ZRANB3: variants seen among roughly 807,000 people sequenced by gnomAD.
ZRANB3 encodes the protein zinc finger RANBP2-type containing 3.
In ZRANB3, 125 loss-of-function variants were observed where a neutral mutation model predicts 133.8. That is an observed-to-expected ratio of 0.93 (90% CI 0.81 to 1.08). The LOEUF (loss-of-function observed/expected upper bound fraction) is 1.08, where lower values mean the gene tolerates loss of function less well. Among genes scored for constraint, ZRANB3 ranks in the 50% least tolerant of loss-of-function variants. ZRANB3 has a pLI of 0.00. For missense variants in ZRANB3, 1,229 were observed against 1,275.5 expected (o/e 0.96, Z 0.56); for synonymous variants, 387 against 432.7 (o/e 0.89, Z 1.31).
intron 2 of ZRANB3, among the ~76,000 whole-genome samples, chr2:135,481,481 ATTTG>A (rs1691805497): frequency 6.6e-6 from 1 of 151,990 alleles, no homozygotes; most frequent in South Asian, 2.1e-4. Context: ...TTTCTTGTAA[ATTTG>A]TTTGAGTTCA....
chr2:135,406,590 G>A (rs1232958161), intron 2 of ZRANB3, among the ~76,000 whole-genome samples: 10 of 152,072 alleles, frequency 6.6e-5, no homozygotes, highest in South Asian at 4.1e-4. Context: ...CTGGCAAACC[G>A]AATCCAGCAG....
rs192189919 is a variant in ZRANB3, at chr2:135,524,509, T to C, written c.-8+6618A>G. Among the ~76,000 whole-genome samples, 217 of 152,316 alleles carry C rather than the reference T, an allele frequency of 1.4e-3. 1 individual carries two copies. The highest frequency in any genetic ancestry group is 1.6e-3 in the Non-Finnish European group (110 of 68,030). Reference sequence around the variant, plus strand: ...ATACTTGGCTTTAAGAAGTCATATTTGGTATATATATAAATGTCAAACTTG... The same window carrying C: ...ATACTTGGCTTTAAGAAGTCATATTCGGTATATATATAAATGTCAAACTTG... On this transcript the variant is annotated intron_variant, in intron 1 of 20. Transcript: ENST00000264159.
intron 3 of ZRANB3, among the ~76,000 whole-genome samples, chr2:135,375,072 G>A (rs1686359139): frequency 6.6e-6 from 1 of 152,160 alleles, no homozygotes; most frequent in African/African-American, 2.4e-5. Context: ...TGCAGAGCAA[G>A]CGGAACTCTC....
intron 2 of ZRANB3, among the ~76,000 whole-genome samples, chr2:135,405,623 T>A (rs763204488): frequency 1.3e-5 from 2 of 152,192 alleles, no homozygotes; most frequent in African/African-American, 2.4e-5. Flanking sequence ...AAACTCTCTC[T>A]CAGACCACAC....
chr2:135,502,846 G>C (rs1295465772), intron 2 of ZRANB3, among the ~76,000 whole-genome samples: 1 of 152,186 alleles, frequency 6.6e-6, no homozygotes, highest in African/African-American at 2.4e-5. Context: ...AGATGCAGGT[G>C]TAAGGTGAAA....
intron 1 of ZRANB3, among the ~76,000 whole-genome samples, chr2:135,523,918 G>A (rs1694045156): frequency 6.6e-6 from 1 of 152,190 alleles, no homozygotes; most frequent in East Asian, 1.9e-4. Context: ...CTTGGAGAAG[G>A]CTGTGAAGTA....
At chr2:135,236,046 C>T (rs1463873098) in intron 12 of ZRANB3, among the ~76,000 whole-genome samples, 1 of 152,182 alleles carries the variant, frequency 6.6e-6, no homozygotes, top group Non-Finnish European at 1.5e-5. Context: ...ACCCCATCGT[C>T]TCAGCCCAAA....
intron 3 of ZRANB3, among the ~76,000 whole-genome samples, chr2:135,362,577 TA>T (rs1431966515): frequency 6.6e-6 from 1 of 152,190 alleles, no homozygotes; most frequent in African/African-American, 2.4e-5. Context: ...GAGATGCCCA[TA>T]TTGGGACTAG....
intron 3 of ZRANB3, among the ~76,000 whole-genome samples, chr2:135,386,050 C>G (rs1335945437): frequency 2.0e-5 from 3 of 152,140 alleles, no homozygotes; most frequent in African/African-American, 7.2e-5. Context: ...TCAGAGTGAA[C>G]AGGCAACATA....
intron 2 of ZRANB3, among the ~76,000 whole-genome samples, chr2:135,434,942 GA>G (rs1689469357): frequency 6.6e-6 from 1 of 151,876 alleles, no homozygotes; most frequent in Non-Finnish European, 1.5e-5. Context: ...AAAGAAAACA[GA>G]AAATAATTTT....
chr2:135,236,876 AT>A (rs1333863622), intron 12 of ZRANB3, among the ~76,000 whole-genome samples: 1 of 152,232 alleles, frequency 6.6e-6, no homozygotes. Context: ...GGACACAGGC[AT>A]GGGCAAGGAC....
At chr2:135,377,978 G>A (rs1686502798) in intron 3 of ZRANB3, among the ~76,000 whole-genome samples, 1 of 152,204 alleles carries the variant, frequency 6.6e-6, no homozygotes, top group Non-Finnish European at 1.5e-5. Flanking sequence ...CTCCCAGCCT[G>A]TATCTTTCTG....
intron 15 of ZRANB3, among the ~76,000 whole-genome samples, chr2:135,219,575 A>C (rs557974293): frequency 6.6e-6 from 1 of 152,368 alleles, no homozygotes; most frequent in African/African-American, 2.4e-5. Flanking sequence ...CAACCATTCC[A>C]AATTTGCAAA....
In ZRANB3 at chr2:135,403,170, G is replaced by C. The variant is rs529100445; in HGVS notation, c.162-12350C>G. ...CTGGGTGAGGCATTGCCTCACACGG[G>C]AACCGCAAGGAGTCAGGGAATTCCC... On this transcript the variant is annotated intron_variant, in intron 2 of 20. Coordinates refer to ENST00000264159, the MANE Select transcript of ZRANB3 (RefSeq NM_032143.4). Among the ~76,000 whole-genome samples, 29 of 152,328 alleles carry C rather than the reference G, an allele frequency of 1.9e-4. No homozygotes were observed. In the East Asian group the frequency reaches 5.4e-3, roughly 28 times the overall value.
chr2:135,427,436 C>G (rs1015807227), intron 2 of ZRANB3, among the ~76,000 whole-genome samples: 2 of 151,970 alleles, frequency 1.3e-5, no homozygotes, highest in African/African-American at 4.8e-5. Flanking sequence ...AGCTGAGTGC[C>G]AAATCAAGAG....
At chr2:135,245,565 T>C (rs769038411) in intron 12 of ZRANB3, among the ~76,000 whole-genome samples, 43 of 151,658 alleles carry the variant, frequency 2.8e-4, no homozygotes, top group Non-Finnish European at 5.6e-4. Flanking sequence ...GATTCTTGTG[T>C]CTCAGCCTCC....
chr2:135,420,981 A>C (rs1688820761), intron 2 of ZRANB3, among the ~76,000 whole-genome samples: 1 of 152,128 alleles, frequency 6.6e-6, no homozygotes, highest in Non-Finnish European at 1.5e-5. Flanking sequence ...TAAAAATAGT[A>C]AACACCGAGT....
intron 3 of ZRANB3, among the ~76,000 whole-genome samples, chr2:135,369,811 G>GT (rs1174323107): frequency 6.6e-6 from 1 of 151,956 alleles, no homozygotes; most frequent in Non-Finnish European, 1.5e-5. Flanking sequence ...TTCAATGCTG[G>GT]TTTTCTACTT....
chr2:135,199,607 A>C lies in ZRANB3; in HGVS notation c.*735T>G, dbSNP rs1693536881. 6.6e-6 allele frequency: 1 copy of C among 152,134 alleles called. No homozygotes were observed. Among genetic ancestry groups the C allele is most frequent in the African/African-American group, 2.4e-5 (1 of 41,404 alleles). The allele number at this position is 152,134 out of a possible 1,614,324, so 9.4% of individuals were successfully genotyped here. A position where few individuals can be genotyped will look rare whatever the true frequency, so the allele number is the denominator to read the frequency against. ...GAGCCACCGCGCCCAGCCAACAGTA[A>C]GCCTAGTTTTATTCATTTTTTAAAA... On this transcript the variant is annotated 3_prime_UTR_variant, in exon 21 of 21. Coordinates refer to ENST00000264159, the MANE Select transcript of ZRANB3 (RefSeq NM_032143.4).
Sources: allele counts gnomAD v4.1 joint callset (sites outside exome capture counted in the v4.1 genomes callset), GRCh38; gene constraint gnomAD v4.1.1; transcripts MANE v1.5; gene names NCBI Gene and HGNC (gene_info 2026-07-23, HGNC 2026-07-21).